Variants in ERC2 observed in about 807,000 individuals in gnomAD.
ERC2 encodes the protein ELKS/RAB6-interacting/CAST family member 2.
ERC2 carries 42 observed loss-of-function variants against 114.8 expected under a neutral mutation model. The ratio of observed to expected loss-of-function variants is 0.37; its 90% confidence interval spans 0.29 to 0.47. The LOEUF (loss-of-function observed/expected upper bound fraction) is 0.47. Ranked by LOEUF, ERC2 falls within the 20% of genes least tolerant of loss-of-function variation. ERC2 has a pLI of 0.99. For missense variants in ERC2, 939 were observed against 1,150.7 expected, an observed-to-expected ratio of 0.82 and a Z score of 2.66; for synonymous variants, 454 against 425.5, an observed-to-expected ratio of 1.07 and a Z score of -0.82.
chr3:56,279,691 GA>G (rs2054224958), intron 3 of ERC2, among the ~76,000 whole-genome samples: 1 of 152,212 alleles, frequency 6.6e-6, no homozygotes, highest in Non-Finnish European at 1.5e-5. Context: ...GTTCTGAAAG[GA>G]CAGACATACA....
chr3:55,591,594 T>C (rs573278158), intron 17 of ERC2, among the ~76,000 whole-genome samples: 47 of 151,742 alleles, frequency 3.1e-4, no homozygotes, highest in Middle Eastern at 3.4e-3. Flanking sequence ...TGTGTGTGTG[T>C]GTGTGTGCGC....
chr3:56,070,010 C>G (rs749164478), intron 7 of ERC2, among the ~76,000 whole-genome samples: 2 of 152,134 alleles, frequency 1.3e-5, no homozygotes, highest in African/African-American at 4.8e-5. Context: ...ATATGCCCCA[C>G]AAGAACACAT....
intron 17 of ERC2, among the ~76,000 whole-genome samples, chr3:55,600,612 A>G (rs140128658): frequency 2.0e-5 from 3 of 152,334 alleles, no homozygotes; most frequent in African/African-American, 7.2e-5. Context: ...CTCTTTTGAC[A>G]TGTGTGCTCT....
At chr3:55,858,157 T>C (rs1168107603) in intron 14 of ERC2, among the ~76,000 whole-genome samples, 2 of 152,150 alleles carry the variant, frequency 1.3e-5, no homozygotes, top group Admixed American at 6.5e-5. Context: ...AAAGGAGACA[T>C]ACGCTACTTA....
At chr3:55,708,663 T>C (rs1295787923) in intron 15 of ERC2, among the ~76,000 whole-genome samples, 1 of 152,204 alleles carries the variant, frequency 6.6e-6, no homozygotes, top group Non-Finnish European at 1.5e-5. Flanking sequence ...ATTCTGTGCA[T>C]GGTCTGTTAG....
chr3:56,152,636 T>C (rs2081483956), intron 4 of ERC2, among the ~76,000 whole-genome samples: 1 of 152,162 alleles, frequency 6.6e-6, no homozygotes, highest in South Asian at 2.1e-4. Flanking sequence ...CTTTATATTA[T>C]ATTTTGGTTA....
At chr3:56,313,560 A>T (rs1201627205) in intron 2 of ERC2, among the ~76,000 whole-genome samples, 1 of 152,226 alleles carries the variant, frequency 6.6e-6, no homozygotes. Context: ...CATGAGAAGG[A>T]TATCAAGACA....
At chr3:56,456,353 T>C (rs1277662631) in intron 1 of ERC2, among the ~76,000 whole-genome samples, 1 of 152,248 alleles carries the variant, frequency 6.6e-6, no homozygotes, top group Non-Finnish European at 1.5e-5. Flanking sequence ...TAAATAAGAC[T>C]GATGAGAAAT....
intron 17 of ERC2, among the ~76,000 whole-genome samples, chr3:55,583,891 C>CT (rs902969813): frequency 2.6e-5 from 4 of 151,158 alleles, no homozygotes; most frequent in South Asian, 2.1e-4. Context: ...CTTGCTAGCC[C>CT]CCCTCCCAAA....
At chr3:55,523,395 A>G (rs1303238737) in intron 17 of ERC2, among the ~76,000 whole-genome samples, 4 of 152,228 alleles carry the variant, frequency 2.6e-5, no homozygotes, top group Non-Finnish European at 5.9e-5. Context: ...GTCTTCCTTC[A>G]GAGCTTTTGC....
intron 1 of ERC2, among the ~76,000 whole-genome samples, chr3:56,443,381 T>G (rs2062408332): frequency 6.6e-6 from 1 of 152,222 alleles, no homozygotes; most frequent in African/African-American, 2.4e-5. Context: ...CACCACTATT[T>G]GGGAATTAGT....
chr3:55,828,476 G>GGCAGCAGGC (rs530628505), intron 14 of ERC2, among the ~76,000 whole-genome samples: 9 of 115,064 alleles, frequency 7.8e-5, no homozygotes, highest in Admixed American at 2.3e-4. Flanking sequence ...GGGCAGCAGG[G>GGCAGCAGGC]GCAGCAGGGG....
chr3:56,198,209 C>G (rs2048216994), intron 3 of ERC2, among the ~76,000 whole-genome samples: 2 of 152,194 alleles, frequency 1.3e-5, no homozygotes, highest in South Asian at 2.1e-4. Context: ...ATGAATGAAC[C>G]AGTGATGCAT....
chr3:56,278,065 G>C (rs1313158731), intron 3 of ERC2, among the ~76,000 whole-genome samples: 3 of 152,220 alleles, frequency 2.0e-5, no homozygotes, highest in East Asian at 1.9e-4. Flanking sequence ...GGGTTGTTGT[G>C]AGGATTAAAG....
chr3:56,015,248 TGTA>T (rs1425104945), intron 8 of ERC2, among the ~76,000 whole-genome samples: 6 of 152,202 alleles, frequency 3.9e-5, no homozygotes, highest in Non-Finnish European at 8.8e-5. Flanking sequence ...GTGCACGATG[TGTA>T]GGTTTGTTAC....
intron 15 of ERC2, among the ~76,000 whole-genome samples, chr3:55,704,629 G>A (rs2063388454): frequency 6.6e-6 from 1 of 152,134 alleles, no homozygotes; most frequent in South Asian, 2.1e-4. Context: ...GAGATTTCCT[G>A]ACCATCCACT....
At chr3:55,985,118 T>C (rs2070490093) in intron 12 of ERC2, among the ~76,000 whole-genome samples, 1 of 152,222 alleles carries the variant, frequency 6.6e-6, no homozygotes, top group South Asian at 2.1e-4. Context: ...AGAATGAGCA[T>C]CCTTTAGTAA....
chr3:55,713,464 A>T (rs770781020), intron 15 of ERC2, among the ~76,000 whole-genome samples: 12 of 151,988 alleles, frequency 7.9e-5, no homozygotes, highest in Non-Finnish European at 1.8e-4. Context: ...TGATTGGCCC[A>T]CCTCGGCCTC....
chr3:56,281,840 T>C (rs947264032), intron 3 of ERC2, among the ~76,000 whole-genome samples: 3 of 152,158 alleles, frequency 2.0e-5, no homozygotes, highest in African/African-American at 7.2e-5. Flanking sequence ...AAGATAAGGT[T>C]TGTCACATCT....
Sources: gnomAD v4.1 joint callset for allele counts (sites outside exome capture counted in the v4.1 genomes callset) on GRCh38, gnomAD v4.1.1 for gene constraint, MANE v1.5 for transcripts, NCBI Gene and HGNC (gene_info 2026-07-23, HGNC 2026-07-21) for gene names.